Variants in CTDSPL2 observed in about 807,000 individuals in gnomAD.
CTDSPL2 encodes CTD small phosphatase like 2.
CTDSPL2 carries 5 observed loss-of-function variants against 60.0 expected under a neutral mutation model. The observed-to-expected ratio is 0.08, with a 90% CI of 0.04 to 0.18. The LOEUF is 0.18. Among genes scored for constraint, CTDSPL2 ranks in the 10% least tolerant of loss-of-function variants. CTDSPL2 has a pLI of 1.00. For synonymous variants in CTDSPL2, 186 were observed against 189.3 expected, an observed-to-expected ratio of 0.98 and a Z score of 0.14; for missense variants, 370 against 548.8, an observed-to-expected ratio of 0.67 and a Z score of 3.26.
chr15:44,459,458 G>A (rs897269021), intron 2 of CTDSPL2, among the ~76,000 whole-genome samples: 2 of 152,086 alleles, frequency 1.3e-5, no homozygotes, highest in African/African-American at 2.4e-5. Flanking sequence ...ACCCTAGGGG[G>A]CGGAGCCTGT....
chr15:44,499,528 A>G (rs2081354426), intron 7 of CTDSPL2, among the ~76,000 whole-genome samples, 199 bp from the exon 8 acceptor site: 1 of 152,198 alleles, frequency 6.6e-6, no homozygotes, highest in Admixed American at 6.5e-5. Context: ...TCTGCTTGCT[A>G]GTCCAGGAGC....
Position 44,427,776 on chromosome 15 carries a change from A to G in CTDSPL2, c.-25+4A>G, listed in dbSNP as rs2079774439. 2.5e-6 allele frequency: 1 copy of G among 398,994 alleles called. No individual in the cohort carries two copies. Among genetic ancestry groups the G allele is most frequent in the Non-Finnish European group, 4.4e-6 (1 of 226,334 alleles). 24.7% of individuals were successfully genotyped at this position (398,994 alleles called of 1,614,324 possible). A position where few individuals can be genotyped will look rare whatever the true frequency, so the allele number is the denominator to read the frequency against. ...ACTTCTCTGTCGTCACAGTTAGGTAATCCCCTTCGTCCAGACGCCGCCGCT... is the reference window on the plus strand; with the variant it reads ...ACTTCTCTGTCGTCACAGTTAGGTAGTCCCCTTCGTCCAGACGCCGCCGCT... On this transcript the variant is annotated splice_donor_region_variant and intron_variant, in intron 1 of 12. Coordinates refer to ENST00000260327, the MANE Select transcript of CTDSPL2 (RefSeq NM_016396.3).
At position 44,485,702 on chromosome 15, in the gene CTDSPL2, T is replaced by C. The variant is rs561465760; in HGVS notation, c.326-849T>C. The stretch of plus-strand genomic sequence containing the variant: ...GGTTAGGGACCCCTGCTTTAGAGTA[T>C]GGAGTACTGTTTTAACGAATGCTAT... On this transcript the variant is annotated intron_variant, in intron 3 of 12. Coordinates refer to ENST00000260327, the MANE Select transcript of CTDSPL2 (RefSeq NM_016396.3). 1.9e-4 allele frequency among the ~76,000 whole-genome samples: 29 copies of C among 152,284 alleles called. 1 individual carries two copies. Among genetic ancestry groups the C allele is most frequent in the Middle Eastern group, 3.4e-3 (1 of 294 alleles).
At chr15:44,454,806 AC>A (rs2080401090) in intron 1 of CTDSPL2, among the ~76,000 whole-genome samples, 1 of 152,206 alleles carries the variant, frequency 6.6e-6, no homozygotes, top group African/African-American at 2.4e-5. Context: ...TGGTACCAGT[AC>A]CATGCTGTTT....
intron 1 of CTDSPL2, among the ~76,000 whole-genome samples, chr15:44,456,673 A>T (rs1353138840): frequency 2.0e-5 from 3 of 151,624 alleles, no homozygotes; most frequent in African/African-American, 7.3e-5. Context: ...CAATTTTGTT[A>T]ATCTTTTCAA....
chr15:44,467,150 G>A (rs1188287202), intron 2 of CTDSPL2, among the ~76,000 whole-genome samples: 1 of 152,182 alleles, frequency 6.6e-6, no homozygotes, highest in East Asian at 1.9e-4. Context: ...GCCTTGCTCT[G>A]TCTGCTGAAC....
chr15:44,480,870 A>G (rs919292495), intron 2 of CTDSPL2, among the ~76,000 whole-genome samples: 3 of 152,126 alleles, frequency 2.0e-5, no homozygotes, highest in African/African-American at 4.8e-5. Context: ...TTTAGAGAAG[A>G]CATTGTAGGA....
intron 2 of CTDSPL2, among the ~76,000 whole-genome samples, chr15:44,463,207 T>A (rs945962186): frequency 6.6e-6 from 1 of 152,214 alleles, no homozygotes; most frequent in Non-Finnish European, 1.5e-5. Context: ...AGTGGCACGA[T>A]GTCAGCTCAC....
intron 1 of CTDSPL2, among the ~76,000 whole-genome samples, chr15:44,433,577 G>C (rs961955080): frequency 1.3e-5 from 2 of 151,442 alleles, no homozygotes; most frequent in African/African-American, 2.4e-5. Flanking sequence ...CCGCCTCCCT[G>C]GTTCAAGTGA....
At chr15:44,506,867 C>T (rs929926995) in intron 8 of CTDSPL2, among the ~76,000 whole-genome samples, 10 of 151,608 alleles carry the variant, frequency 6.6e-5, no homozygotes, top group African/African-American at 1.2e-4. Flanking sequence ...CCCAGGTTCA[C>T]GCCATTCTCC....
At chr15:44,447,054 A>G (rs1213556899) in intron 1 of CTDSPL2, among the ~76,000 whole-genome samples, 3 of 152,128 alleles carry the variant, frequency 2.0e-5, no homozygotes, top group Admixed American at 6.6e-5. Flanking sequence ...TTATAAATAT[A>G]TTATTTTCAC....
chr15:44,448,754 C>A, intron 1 of CTDSPL2: 1 of 356,628 alleles, frequency 2.8e-6, no homozygotes. Context: ...CCTCCTGGTC[C>A]TAACCCTGTT....
chr15:44,487,368 A>G (rs945545574), intron 4 of CTDSPL2, among the ~76,000 whole-genome samples: 1 of 152,160 alleles, frequency 6.6e-6, no homozygotes, highest in African/African-American at 2.4e-5. Context: ...GGTGGGAGGA[A>G]TGCTTCAATC....
intron 1 of CTDSPL2, among the ~76,000 whole-genome samples, chr15:44,458,421 A>C (rs887734945): frequency 6.6e-6 from 1 of 152,244 alleles, no homozygotes; most frequent in Non-Finnish European, 1.5e-5. Context: ...AGTATCATTA[A>C]ATGTGGTAAG....
chr15:44,448,877 G>T, intron 1 of CTDSPL2: 1 of 411,130 alleles, frequency 2.4e-6, no homozygotes, highest in Admixed American at 3.6e-5. Flanking sequence ...CACAGCAGTT[G>T]GCCATTGAAT....
chr15:44,491,907 G>A (rs1013415519), intron 5 of CTDSPL2, among the ~76,000 whole-genome samples: 7 of 152,060 alleles, frequency 4.6e-5, no homozygotes, highest in Non-Finnish European at 8.8e-5. Context: ...TGTCGCCCAC[G>A]CTGGACAGTG....
chr15:44,521,063 G>T, intron 11 of CTDSPL2: 1 of 215,514 alleles, frequency 4.6e-6, no homozygotes, highest in Non-Finnish European at 9.1e-6. Context: ...TATTTTAATG[G>T]AACTTTCTTG....
intron 2 of CTDSPL2, among the ~76,000 whole-genome samples, chr15:44,478,529 G>A (rs868669499): frequency 4.7e-4 from 68 of 145,538 alleles, no homozygotes; most frequent in African/African-American, 1.7e-3. Context: ...TGATAACAGT[G>A]CCCTCTATGC....
At chr15:44,449,778 G>A (rs966778055) in intron 1 of CTDSPL2, among the ~76,000 whole-genome samples, 1 of 151,748 alleles carries the variant, frequency 6.6e-6, no homozygotes, top group African/African-American at 2.4e-5. Context: ...TCACTTTGAG[G>A]TCAGGAGTTC....
Sources: gnomAD v4.1 joint callset for allele counts (sites outside exome capture counted in the v4.1 genomes callset) on GRCh38, gnomAD v4.1.1 for gene constraint, MANE v1.5 for transcripts, NCBI Gene and HGNC (gene_info 2026-07-23, HGNC 2026-07-21) for gene names.